Variants in CAPN14 observed in about 807,000 individuals in gnomAD.
CAPN14 encodes calpain-14.
Under a neutral mutation model 101.3 loss-of-function variants are expected in CAPN14, and 94 were observed. That is an observed-to-expected ratio of 0.93 (90% CI 0.79 to 1.10). The LOEUF is 1.10. CAPN14 is among the 50% of genes least tolerant of loss of function. CAPN14 has a pLI of 0.00. For synonymous variants in CAPN14, 338 were observed against 317.9 expected (o/e 1.06, Z -0.67); for missense variants, 837 against 828.4 (o/e 1.01, Z -0.13).
chr2:31,206,579 T>C (rs1682110917), intron 1 of CAPN14, among the ~76,000 whole-genome samples: 1 of 152,150 alleles, frequency 6.6e-6, no homozygotes, highest in Non-Finnish European at 1.5e-5. Flanking sequence ...AAAGAAATCC[T>C]TCCTTGAAGA....
chr2:31,205,635 G>T (rs1009229249), intron 1 of CAPN14, 136 bp from the exon 2 acceptor site: 1 of 623,338 alleles, frequency 1.6e-6, no homozygotes, highest in Non-Finnish European at 2.9e-6. Context: ...CAGGTGGTTC[G>T]ATTTTGTCCC....
intron 15 of CAPN14, 62 bp from the exon 16 acceptor site, chr2:31,186,547 A>G: frequency 7.8e-7 from 1 of 1,274,766 alleles, no homozygotes; most frequent in Non-Finnish European, 1.1e-6. Context: ...TAGATGGCAG[A>G]GGGGTCATAT....
chr2:31,181,016 A>G lies in CAPN14; in HGVS notation c.1646-16T>C. ...CTCCCCAGACCTGTGAAGGAGCGAA[A>G]GAGTCCACATGGGGGCTGGCCCCAG... On this transcript the variant is annotated splice_polypyrimidine_tract_variant and intron_variant, in intron 16 of 21. Coordinates refer to ENST00000403897, the MANE Select transcript of CAPN14 (RefSeq NM_001145122.2). 1 of 1,551,054 alleles carries G rather than the reference A, an allele frequency of 6.4e-7. No individual in the cohort carries two copies. Among genetic ancestry groups the G allele is most frequent in the African/African-American group, 1.4e-5 (1 of 73,166 alleles).
upstream of CAPN14, among the ~76,000 whole-genome samples, chr2:31,217,854 AG>A (rs147125238): frequency 4.6e-4 from 70 of 152,290 alleles, no homozygotes; most frequent in Non-Finnish European, 9.3e-4. Context: ...CACAACTCCC[AG>A]GACACCAAAG....
At chr2:31,192,505 T>A (rs967438378) in intron 10 of CAPN14, among the ~76,000 whole-genome samples, 1 of 152,138 alleles carries the variant, frequency 6.6e-6, no homozygotes, top group Admixed American at 6.5e-5. Flanking sequence ...AAATACTGTG[T>A]CAAAAGGGGG....
chr2:31,181,735 G>A (rs1232652419), intron 16 of CAPN14, among the ~76,000 whole-genome samples: 8 of 126,914 alleles, frequency 6.3e-5, no homozygotes, highest in South Asian at 2.6e-4. Flanking sequence ...ATGTGTTCTC[G>A]TTGTTCAATT....
intron 1 of CAPN14, among the ~76,000 whole-genome samples, chr2:31,227,940 G>C (rs1683073344): frequency 6.6e-6 from 1 of 152,214 alleles, no homozygotes; most frequent in Admixed American, 6.5e-5. Context: ...TGCTGACTCA[G>C]CTCTTCAGAG....
intron 16 of CAPN14, among the ~76,000 whole-genome samples, chr2:31,184,146 G>C (rs1350982468): frequency 2.0e-4 from 30 of 152,298 alleles, no homozygotes; most frequent in Non-Finnish European, 5.9e-5. Context: ...GCCTCCCAAA[G>C]TGCTGGGATT....
upstream of CAPN14, among the ~76,000 whole-genome samples, chr2:31,220,515 G>A (rs1682829872): frequency 6.6e-6 from 1 of 152,194 alleles, no homozygotes; most frequent in Non-Finnish European, 1.5e-5. Context: ...GGCTGCAGCA[G>A]CACCAAAGCT....
At chr2:31,204,722 T>A (rs535482446) in intron 2 of CAPN14, among the ~76,000 whole-genome samples, 7 of 152,306 alleles carry the variant, frequency 4.6e-5, no homozygotes, top group East Asian at 1.9e-4. Flanking sequence ...CCTTGCCCTG[T>A]GCATCTCTTC....
intron 1 of CAPN14, among the ~76,000 whole-genome samples, chr2:31,212,365 A>T (rs1419169725): frequency 1.3e-5 from 2 of 152,012 alleles, no homozygotes; most frequent in Non-Finnish European, 2.9e-5. Flanking sequence ...TATTATATAT[A>T]ATCATGCCTC....
intron 2 of CAPN14, among the ~76,000 whole-genome samples, chr2:31,203,583 T>G (rs7559123): frequency 0.72 from 108,700 of 151,888 alleles, 39,232 homozygotes; most frequent in East Asian, 0.98. Context: ...GTAGGGGGGT[T>G]GTCTCTGCTC....
intron 13 of CAPN14, 51 bp downstream of exon 13, chr2:31,189,222 T>C: frequency 6.6e-7 from 1 of 1,508,158 alleles, no homozygotes; most frequent in Admixed American, 2.0e-5. Context: ...CCTCCTTGCC[T>C]GTCCTCGTCC....
intron 16 of CAPN14, among the ~76,000 whole-genome samples, chr2:31,182,203 C>A (rs903229482): frequency 6.6e-6 from 1 of 151,362 alleles, no homozygotes; most frequent in Non-Finnish European, 1.5e-5. Context: ...TAAGAGCTAT[C>A]TATGACAAAC....
At chr2:31,231,745 T>C (rs1206660410) in intron 1 of CAPN14, among the ~76,000 whole-genome samples, 2 of 152,218 alleles carry the variant, frequency 1.3e-5, no homozygotes, top group Non-Finnish European at 2.9e-5. Context: ...CCTGTCACGC[T>C]GGCCATACTG....
intron 8 of CAPN14, among the ~76,000 whole-genome samples, chr2:31,196,293 T>A (rs2148685405): frequency 6.6e-6 from 1 of 152,334 alleles, no homozygotes; most frequent in South Asian, 2.1e-4. Context: ...GTACCCATCA[T>A]CTATCTCTAA....
At chr2:31,202,019 C>A in intron 4 of CAPN14, 21 bp from the exon 5 acceptor site, 1 of 1,550,686 alleles carries the variant, frequency 6.4e-7, no homozygotes, top group East Asian at 2.4e-5. Context: ...AGAGTGGCCC[C>A]GGGTGAATGA....
Position 31,174,415 on chromosome 2 carries a change from T to C in CAPN14, c.*266A>G. ...TGCTTAGGCCATGTCAGGTAACATC[T>C]CCGCTTGTGACAAGGTTGTGGCCTC... On this transcript the variant is annotated 3_prime_UTR_variant, in exon 22 of 22. Transcript: ENST00000403897. The C allele has an allele frequency of 1.7e-6, 1 of 573,758 alleles. No individual in the cohort carries two copies. The highest frequency in any genetic ancestry group is 2.1e-5 in the South Asian group (1 of 48,712). 35.5% of individuals were successfully genotyped at this position (573,758 alleles called of 1,614,324 possible).
chr2:31,177,780 G>C lies in CAPN14; in HGVS notation c.1821C>G (p.Asn607Lys). 6.4e-7 allele frequency: 1 copy of C among 1,552,010 alleles called. No individual in the cohort carries two copies. Among genetic ancestry groups the C allele is most frequent in the Non-Finnish European group, 8.7e-7 (1 of 1,147,048 alleles). The change falls in exon 19 of 22, where the codon AAC becomes AAG. Residue 607 changes from asparagine (N) to lysine (K), a missense_variant. Asn to Lys is a moderately conservative substitution (Grantham distance 94, BLOSUM62 0). Coordinates refer to ENST00000403897, the MANE Select transcript of CAPN14 (RefSeq NM_001145122.2). ...TCATGGCAGCGTGCAGCTGCTCCCA[G>C]TTCAGGTATCCTGACCCACGGTCTT... ...HKQDRGSGYLNWEQLHAAMRE... is the reference protein window; with the variant it reads ...HKQDRGSGYLKWEQLHAAMRE...
Sources: gnomAD v4.1 joint callset for allele counts (sites outside exome capture counted in the v4.1 genomes callset) on GRCh38, gnomAD v4.1.1 for gene constraint, MANE v1.5 for transcripts, NCBI Gene and HGNC (gene_info 2026-07-23, HGNC 2026-07-21) for gene names.